The following SLC39A12 variants were observed in gnomAD, a reference collection of about 807,000 sequenced individuals.
The protein encoded by SLC39A12 is zinc transporter ZIP12.
SLC39A12 carries 63 observed loss-of-function variants against 71.1 expected under a neutral mutation model. That is an observed-to-expected ratio of 0.89 (90% CI 0.72 to 1.09). SLC39A12 has a LOEUF of 1.09. Ranked by LOEUF, SLC39A12 falls within the 50% of genes least tolerant of loss-of-function variation. The pLI, the probability that SLC39A12 is intolerant of heterozygous loss-of-function variation, is 0.00. For missense variants in SLC39A12, 892 were observed against 812.6 expected, an observed-to-expected ratio of 1.10 and a Z score of -1.19; for synonymous variants, 351 against 301.3, an observed-to-expected ratio of 1.16 and a Z score of -1.71.
intron 12 of SLC39A12, among the ~76,000 whole-genome samples, chr10:18,024,751 T>A (rs569977634): frequency 6.6e-6 from 1 of 152,346 alleles, no homozygotes; most frequent in Admixed American, 6.5e-5. Context: ...TTCCTTGTAG[T>A]TCTATCCATT....
At chr10:17,952,923 G>A (rs534189281) in intron 1 of SLC39A12, among the ~76,000 whole-genome samples, 2 of 152,284 alleles carry the variant, frequency 1.3e-5, no homozygotes, top group East Asian at 3.9e-4. Flanking sequence ...CCTATAACTT[G>A]TACCACCTGT....
intron 12 of SLC39A12, among the ~76,000 whole-genome samples, chr10:18,036,586 G>A (rs1837029442): frequency 6.6e-6 from 1 of 151,710 alleles, no homozygotes; most frequent in Non-Finnish European, 1.5e-5. Context: ...ACCTCAGGTG[G>A]AAATGCAGAA....
chr10:17,991,169 C>G lies in SLC39A12; in HGVS notation c.1288C>G (p.Gln430Glu), dbSNP rs754487934. 3.3e-6 allele frequency: 5 copies of G among 1,535,106 alleles called. No homozygotes were observed. In the South Asian group the frequency reaches 6.5e-5, roughly 20 times the overall value. Residue 430 changes from glutamine (Q) to glutamate (E), a missense_variant, in exon 8 of 13, where the codon CAG becomes GAG. Physicochemically the swap from Gln to Glu is conservative, Grantham distance 29. Coordinates refer to ENST00000377369, the MANE Select transcript of SLC39A12 (RefSeq NM_001145195.2). ...LIPQVLGLHKQEAPEFGHFHE... is the reference protein window; with the variant it reads ...LIPQVLGLHKEEAPEFGHFHE... ...CCTGAAGGTTCTTGGTTTACATAAG[C>G]AGGAAGCCCCAGAATTTGGGCATTT... is the stretch of plus-strand genomic sequence containing the variant.
chr10:17,997,205 AG>A (rs1311727829), intron 10 of SLC39A12, among the ~76,000 whole-genome samples: 3 of 152,314 alleles, frequency 2.0e-5, no homozygotes, highest in African/African-American at 7.2e-5. Flanking sequence ...GAATAAAATA[AG>A]CATGATCTTT....
chr10:17,991,105 A>G lies in SLC39A12; in HGVS notation c.1270-46A>G, dbSNP rs566503123. 1.7e-5 allele frequency: 26 copies of G among 1,508,160 alleles called. No individual in the cohort carries two copies. In the South Asian group the frequency reaches 2.7e-4, roughly 16 times the overall value. The allele number at this position is 1,508,160 out of a possible 1,614,324, so 93.4% of individuals were successfully genotyped here. A position where few individuals can be genotyped will look rare whatever the true frequency, so the allele number is the denominator to read the frequency against. ...TTTAATAGTTAAGTCATCAAGACTT[A>G]TCTCCATCTTTCTCTCTGCCTTTTT... On this transcript the variant is annotated intron_variant, in intron 7 of 12. Transcript: ENST00000377369.
intron 2 of SLC39A12, among the ~76,000 whole-genome samples, chr10:17,955,874 G>A (rs1170134452): frequency 6.6e-6 from 1 of 152,146 alleles, no homozygotes; most frequent in Non-Finnish European, 1.5e-5. Context: ...TGAACATCGT[G>A]AGAGATTAAA....
At chr10:18,015,445 A>G (rs1331570134) in intron 12 of SLC39A12, among the ~76,000 whole-genome samples, 1 of 152,110 alleles carries the variant, frequency 6.6e-6, no homozygotes, top group East Asian at 1.9e-4. Context: ...GAGATGTTCC[A>G]GTGATTCTTC....
chr10:17,963,481 T>C (rs527742147), intron 3 of SLC39A12, among the ~76,000 whole-genome samples: 6 of 152,338 alleles, frequency 3.9e-5, no homozygotes, highest in African/African-American at 1.4e-4. Context: ...ATCAGTATTA[T>C]ATCTAGAACT....
chr10:18,030,509 G>C (rs1485849758), intron 12 of SLC39A12, among the ~76,000 whole-genome samples: 1 of 151,852 alleles, frequency 6.6e-6, no homozygotes, highest in Non-Finnish European at 1.5e-5. Context: ...AAAGTGCTGG[G>C]ATTACAGGCG....
chr10:18,029,530 T>C (rs1342159188), intron 12 of SLC39A12, among the ~76,000 whole-genome samples: 1 of 152,228 alleles, frequency 6.6e-6, no homozygotes, highest in Non-Finnish European at 1.5e-5. Flanking sequence ...GTTTCCAAGT[T>C]TCTGGCAGAA....
chr10:17,979,871 T>G (rs954040346), intron 5 of SLC39A12, among the ~76,000 whole-genome samples: 1 of 152,186 alleles, frequency 6.6e-6, no homozygotes, highest in South Asian at 2.1e-4. Flanking sequence ...TCAGGACTTA[T>G]AGATGCAGCA....
rs1334422862 is a variant in SLC39A12, at chr10:18,043,081, GTAGT to G, written c.*253_*256del. ...TGATGAAGCTCTTGCTTTTTAAAAA[GTAGT>G]TAGTAAATTCTGCATGAATTTTAGT... On this transcript the variant is annotated 3_prime_UTR_variant, in exon 13 of 13. Transcript: ENST00000377369. The G allele has an allele frequency of 1.4e-5, 3 of 215,406 alleles. No individual in the cohort carries two copies. Among genetic ancestry groups the G allele is most frequent in the African/African-American group, 6.9e-5 (3 of 43,626 alleles). The allele number at this position is 215,406 out of a possible 1,614,324, so 13.3% of individuals were successfully genotyped here. A position where few individuals can be genotyped will look rare whatever the true frequency, so the allele number is the denominator to read the frequency against.
Position 18,043,053 on chromosome 10 carries a change from C to T in SLC39A12, c.*220C>T. 1 of 269,468 alleles carries T rather than the reference C, an allele frequency of 3.7e-6. No homozygotes were observed. The allele number at this position is 269,468 out of a possible 1,614,324, so 16.7% of individuals were successfully genotyped here. ...GAAATTTTGTCTTTGGTTTCCAACA[C>T]CATGATGAAGCTCTTGCTTTTTAAA... On this transcript the variant is annotated 3_prime_UTR_variant, in exon 13 of 13. Transcript: ENST00000377369.
intron 12 of SLC39A12, among the ~76,000 whole-genome samples, chr10:18,017,655 A>G (rs1199376082): frequency 6.6e-6 from 1 of 152,152 alleles, no homozygotes; most frequent in African/African-American, 2.4e-5. Flanking sequence ...CCATTGCTCC[A>G]TTTTATTGTG....
chr10:18,035,552 A>T (rs1836979275), intron 12 of SLC39A12, among the ~76,000 whole-genome samples: 1 of 151,260 alleles, frequency 6.6e-6, no homozygotes. Context: ...CATTCTTCTA[A>T]ATTTTTTTCA....
At position 17,991,221 on chromosome 10, in the gene SLC39A12, A is replaced by C; in HGVS notation, c.1340A>C (p.Lys447Thr). ...HFHESKGHIWKLMGLIGGIHG... is the reference protein window; with the variant it reads ...HFHESKGHIWTLMGLIGGIHG... Reference sequence around the variant, plus strand: ...CATGAAAGCAAAGGTCATATTTGGAAACTGATGGGATTAATTGGAGGCATC... The same window carrying C: ...CATGAAAGCAAAGGTCATATTTGGACACTGATGGGATTAATTGGAGGCATC... The change falls in exon 8 of 13, where the codon AAA (lysine) becomes ACA (threonine). Residue 447 changes from lysine to threonine, a missense_variant. Physicochemically the swap from Lys to Thr is moderately conservative, Grantham distance 78 (BLOSUM62 -1). Transcript: ENST00000377369. 6.2e-7 allele frequency: 1 copy of C among 1,600,440 alleles called. No individual in the cohort carries two copies. Among genetic ancestry groups the C allele is most frequent in the Non-Finnish European group, 8.5e-7 (1 of 1,174,898 alleles).
intron 2 of SLC39A12, among the ~76,000 whole-genome samples, chr10:17,959,346 C>A (rs554172612): frequency 3.3e-5 from 5 of 151,896 alleles, no homozygotes; most frequent in East Asian, 3.9e-4. Context: ...GAGTACTTGA[C>A]CCCCTGCAGT....
At chr10:17,954,451 TCA>T (rs1834487572) in intron 2 of SLC39A12, among the ~76,000 whole-genome samples, 1 of 152,130 alleles carries the variant, frequency 6.6e-6, no homozygotes, top group South Asian at 2.1e-4. Context: ...AGATGGGGTT[TCA>T]CCATGTTGGC....
At chr10:18,008,728 A>G (rs923541226) in intron 12 of SLC39A12, 7 of 152,270 alleles carry the variant, frequency 4.6e-5, no homozygotes, top group Non-Finnish European at 8.8e-5. Flanking sequence ...AAGTGAAAAA[A>G]CTAGCAATAC....
Sources: gnomAD v4.1 joint callset for allele counts (sites outside exome capture counted in the v4.1 genomes callset) on GRCh38, gnomAD v4.1.1 for gene constraint, MANE v1.5 for transcripts, NCBI Gene and HGNC (gene_info 2026-07-23, HGNC 2026-07-21) for gene names.